The following MICAL1 variants were observed in gnomAD, a reference collection of about 807,000 sequenced individuals.
MICAL1 encodes microtubule associated monooxygenase, calponin and LIM domain containing 1, also known as [F-actin]-monooxygenase MICAL1.
Under a neutral mutation model 131.8 loss-of-function variants are expected in MICAL1, and 95 were observed. That is an observed-to-expected ratio of 0.72 (90% CI 0.61 to 0.86). MICAL1 has a LOEUF of 0.86. Among genes scored for constraint, MICAL1 ranks in the 40% least tolerant of loss-of-function variants. The pLI is 0.00. For synonymous variants in MICAL1, 546 were observed against 554.2 expected (o/e 0.99, Z 0.21); for missense variants, 1,292 against 1,380.6 (o/e 0.94, Z 1.02).
chr6:109,465,458 C>A, intron 1 of MICAL1: 1 of 607,440 alleles, frequency 1.6e-6, no homozygotes. Context: ...CCCAGTTCAA[C>A]CAAAATGACT....
At chr6:109,451,152 C>CTT (rs34927673) in intron 7 of MICAL1, among the ~76,000 whole-genome samples, 8 of 134,486 alleles carry the variant, frequency 5.9e-5, no homozygotes, top group Non-Finnish European at 8.0e-5. Context: ...CAGGGGAGAA[C>CTT]TTTTTTTTTT....
upstream of MICAL1, among the ~76,000 whole-genome samples, chr6:109,458,989 C>G (rs9398202): frequency 0.57 from 86,684 of 151,988 alleles, 26,339 homozygotes; most frequent in African/African-American, 0.8. Flanking sequence ...CAGATGAGTA[C>G]TCATGAATCA....
Position 109,447,672 on chromosome 6 carries a change from T to G in MICAL1, c.1986+9A>C. On this transcript the variant is annotated intron_variant, in intron 15 of 24. Coordinates refer to ENST00000358807, the MANE Select transcript of MICAL1 (RefSeq NM_022765.4). The stretch of plus-strand genomic sequence containing the variant: ...GGTAGGAGACCGACCCGCCCCTGCC[T>G]GCATTCACCTCCAAGCGCAGCTTCT... 1 of 1,614,010 alleles carries G rather than the reference T, an allele frequency of 6.2e-7. No homozygotes were observed. Among genetic ancestry groups the G allele is most frequent in the African/African-American group, 1.3e-5 (1 of 74,968 alleles).
intron 10 of MICAL1, 39 bp downstream of exon 10, chr6:109,449,618 T>A: frequency 6.3e-7 from 1 of 1,590,856 alleles, no homozygotes; most frequent in South Asian, 1.1e-5. Context: ...GGGAAGGGGG[T>A]TGGCTTGGGA....
At chr6:109,462,410 G>A (rs1001084108) in intron 1 of MICAL1, among the ~76,000 whole-genome samples, 21 of 152,342 alleles carry the variant, frequency 1.4e-4, no homozygotes, top group African/African-American at 4.8e-4. Context: ...TTGTAAATCT[G>A]TGTGCCATGA....
chr6:109,457,997 T>C (rs966967678), upstream of MICAL1, among the ~76,000 whole-genome samples: 5 of 152,116 alleles, frequency 3.3e-5, no homozygotes, highest in African/African-American at 1.2e-4. Context: ...CATCTCTAAA[T>C]GGAGGCAGTT....
Position 109,449,217 on chromosome 6 carries a change from A to G in MICAL1, c.1516+183T>C. 1.6e-5 allele frequency: 12 copies of G among 742,556 alleles called. No individual in the cohort carries two copies. In the Middle Eastern group the frequency reaches 1.3e-3, roughly 80 times the overall value. 46.0% of individuals were successfully genotyped at this position (742,556 alleles called of 1,614,324 possible). A position where few individuals can be genotyped will look rare whatever the true frequency, so the allele number is the denominator to read the frequency against. On this transcript the variant is annotated intron_variant, in intron 11 of 24. Transcript: ENST00000358807. The stretch of plus-strand genomic sequence containing the variant: ...GCGCTTACATTCAGACTGGCAGCCA[A>G]CTGCTGCCTGTGCGGTGCTGCCCCT...
At chr6:109,449,022 T>C (rs1775385154) in intron 11 of MICAL1, 143 bp from the exon 12 acceptor site, 2 of 1,036,074 alleles carry the variant, frequency 1.9e-6, no homozygotes, top group South Asian at 3.2e-5. Flanking sequence ...TAAAGCTGAC[T>C]ATCAGCAGCT....
upstream of MICAL1, among the ~76,000 whole-genome samples, chr6:109,457,949 G>C (rs971516299): frequency 1.8e-4 from 28 of 152,114 alleles, no homozygotes; most frequent in African/African-American, 6.5e-4. Flanking sequence ...CGCTAGCCTA[G>C]TGTGACCTTG....
Position 109,452,018 on chromosome 6 carries a change from T to C in MICAL1, c.832+228A>G, listed in dbSNP as rs745437654. The C allele has an allele frequency of 5.7e-6, 8 of 1,406,582 alleles. No homozygotes were observed. In the African/African-American group the frequency reaches 5.8e-5, roughly 10 times the overall value. The allele number at this position is 1,406,582 out of a possible 1,614,324, so 87.1% of individuals were successfully genotyped here. On this transcript the variant is annotated intron_variant, in intron 6 of 24. Transcript: ENST00000358807. ...AAGTACCACTTAAGCAAAACTCCCATACACAGGTTCATCTCTGAGAGATTC... is the reference window on the plus strand; with the variant it reads ...AAGTACCACTTAAGCAAAACTCCCACACACAGGTTCATCTCTGAGAGATTC...
At chr6:109,454,594 T>C in intron 1 of MICAL1, 1 of 285,546 alleles carries the variant, frequency 3.5e-6, no homozygotes, top group Admixed American at 4.9e-5. Flanking sequence ...TGTGCGGGGA[T>C]TTCTTAGATG....
chr6:109,446,285 G>GGGCTGGAGAGGCGGATCT lies in MICAL1; in HGVS notation c.2414_2431dup (p.Gln805_Ser810dup). 6.2e-7 allele frequency: 1 copy of GGGCTGGAGAGGCGGATCT among 1,614,084 alleles called. No individual in the cohort carries two copies. The highest frequency in any genetic ancestry group is 8.5e-7 in the Non-Finnish European group (1 of 1,180,002). On this transcript the variant is annotated inframe_insertion, in exon 19 of 25. Coordinates refer to ENST00000358807, the MANE Select transcript of MICAL1 (RefSeq NM_022765.4). ...AAGGGAGGACAACCGCTGGCGCTCCGGGCTGGAGAGGCGGATCTGCCGACG... is the reference window on the plus strand; with the variant it reads ...AAGGGAGGACAACCGCTGGCGCTCCGGGCTGGAGAGGCGGATCTGGCTGGAGAGGCGGATCTGCCGACG...
intron 11 of MICAL1, 134 bp from the exon 12 acceptor site, chr6:109,449,013 A>C: frequency 8.6e-7 from 1 of 1,165,328 alleles, no homozygotes; most frequent in Non-Finnish European, 1.2e-6. Context: ...GCACCAGCCT[A>C]AAGCTGACTA....
At position 109,450,507 on chromosome 6, in the gene MICAL1, C is replaced by A. The variant is rs1562291257; in HGVS notation, c.984G>T (p.Glu328Asp). Reference sequence around the variant, plus strand: ...CTGCCCGGGTAAAGCGCTGCAGAGCCTCGGGCACCACATTGGCACTGCCCA... The same window carrying A: ...CTGCCCGGGTAAAGCGCTGCAGAGCATCGGGCACCACATTGGCACTGCCCA... ...RLLGSANVVP[E>D]ALQRFTRAAA... Residue 328 changes from glutamate (E) to aspartate (D), a missense_variant, in exon 8 of 25, where the codon GAG becomes GAT. Glu to Asp is a conservative substitution (Grantham distance 45). Coordinates refer to ENST00000358807, the MANE Select transcript of MICAL1 (RefSeq NM_022765.4). The A allele has an allele frequency of 1.2e-6, 2 of 1,612,794 alleles. No individual in the cohort carries two copies. Among genetic ancestry groups the A allele is most frequent in the Non-Finnish European group, 1.7e-6 (2 of 1,179,766 alleles).
chr6:109,452,553 C>T lies in MICAL1; in HGVS notation c.634G>A (p.Asp212Asn), dbSNP rs747694458. ...CCTCCTGCAGCCGAGATAAGGACGT[C>T]AAATTCATAGTTGGCCAGCTGGGCA... ...PPAQLANYEF[D>N]VLISAAGGKF... is the part of the protein sequence containing the mutation. The change falls in exon 5 of 25, where the codon GAC (aspartate) becomes AAC (asparagine). Residue 212 changes from aspartate (D) to asparagine (N), a missense_variant. Transcript: ENST00000358807. The T allele has an allele frequency of 6.2e-7, 1 of 1,613,864 alleles. No individual in the cohort carries two copies. The highest frequency in any genetic ancestry group is 8.5e-7 in the Non-Finnish European group (1 of 1,179,958).
chr6:109,452,595 G>A lies in MICAL1; in HGVS notation c.592C>T (p.Leu198Phe). The A allele has an allele frequency of 6.2e-7, 1 of 1,612,550 alleles. No homozygotes were observed. The highest frequency in any genetic ancestry group is 8.5e-7 in the Non-Finnish European group (1 of 1,179,714). The change falls in exon 5 of 25, where the codon CTC (leucine) becomes TTC (phenylalanine). Residue 198 changes from leucine to phenylalanine, a missense_variant. Coordinates refer to ENST00000358807, the MANE Select transcript of MICAL1 (RefSeq NM_022765.4). ...AGCTGGGCAGGGGGGTTGGGTTGGAGCTGGGCACGCCAGCCACTCCCTAGG... is the reference window on the plus strand; with the variant it reads ...AGCTGGGCAGGGGGGTTGGGTTGGAACTGGGCACGCCAGCCACTCCCTAGG... The part of the protein sequence containing the change: ...PRKGSGWRAQ[L>F]QPNPPAQLAN...
intron 7 of MICAL1, 79 bp downstream of exon 7, chr6:109,451,521 G>A: frequency 6.4e-7 from 1 of 1,559,118 alleles, no homozygotes. Flanking sequence ...CCCACACCCA[G>A]GTGTCGACTA....
At chr6:109,448,965 T>C (rs1479137787) in intron 11 of MICAL1, 86 bp from the exon 12 acceptor site, 6 of 1,553,704 alleles carry the variant, frequency 3.9e-6, no homozygotes, top group Non-Finnish European at 5.2e-6. Context: ...GTGGGGGTTC[T>C]GTAGGGGAGG....
At position 109,445,194 on chromosome 6, in the gene MICAL1, C is replaced by T. The variant is rs1305403204; in HGVS notation, c.2881+3G>A. 2 of 1,612,860 alleles carry T rather than the reference C, an allele frequency of 1.2e-6. No homozygotes were observed. Among genetic ancestry groups the T allele is most frequent in the African/African-American group, 2.7e-5 (2 of 74,900 alleles). On this transcript the variant is annotated splice_donor_region_variant and intron_variant, in intron 22 of 24. Coordinates refer to ENST00000358807, the MANE Select transcript of MICAL1 (RefSeq NM_022765.4). The stretch of plus-strand genomic sequence containing the variant: ...CAGAGGGGTGTCCTAGCTTGTCACT[C>T]ACTGCTCTGGCGCCTCAAGGCCAGC...
Sources: gnomAD v4.1 joint callset for allele counts (sites outside exome capture counted in the v4.1 genomes callset) on GRCh38, gnomAD v4.1.1 for gene constraint, MANE v1.5 for transcripts, NCBI Gene and HGNC (gene_info 2026-07-23, HGNC 2026-07-21) for gene names.